EXOC4: variants seen among roughly 807,000 people sequenced by gnomAD.
EXOC4 encodes the protein exocyst complex component 4, also known as SEC8-like 1.
A neutral mutation model predicts 107.2 loss-of-function variants in EXOC4; 71 were observed. That is an observed-to-expected ratio of 0.66 (90% CI 0.55 to 0.81). The LOEUF (loss-of-function observed/expected upper bound fraction) is 0.81. EXOC4 is among the 30% of genes least tolerant of loss of function. The pLI is 0.00. For synonymous variants in EXOC4, 456 were observed against 441.2 expected (o/e 1.03, Z -0.42); for missense variants, 1,108 against 1,189.6 (o/e 0.93, Z 1.01).
chr7:133,326,361 G>C (rs1795240603), intron 5 of EXOC4, among the ~76,000 whole-genome samples: 1 of 152,186 alleles, frequency 6.6e-6, no homozygotes, highest in Non-Finnish European at 1.5e-5. Flanking sequence ...GGTCTTTGAT[G>C]ATGGTGACGT....
rs58629398 is a variant in EXOC4, at chr7:133,712,439, C to CA, written c.1514+82332dup. On this transcript the variant is annotated intron_variant, in intron 10 of 17. Coordinates refer to ENST00000253861, the MANE Select transcript of EXOC4 (RefSeq NM_021807.4). ...GGGCAACAAGAATGAAACTCTGTCTCAAAAAAAAAAAAAAAAAAAAAAAAA... is the reference window on the plus strand; with the variant it reads ...GGGCAACAAGAATGAAACTCTGTCTCAAAAAAAAAAAAAAAAAAAAAAAAAA... Among the ~76,000 whole-genome samples, 15 of 30,226 alleles carry CA rather than the reference C, an allele frequency of 5.0e-4. 1 individual carries two copies. Among genetic ancestry groups the CA allele is most frequent in the African/African-American group, 2.1e-3 (15 of 7,264 alleles). 19.8% of individuals were successfully genotyped at this position (30,226 alleles called of 152,430 possible).
At chr7:133,264,426 C>CT (rs1486557924) in intron 1 of EXOC4, among the ~76,000 whole-genome samples, 3 of 152,060 alleles carry the variant, frequency 2.0e-5, no homozygotes, top group Admixed American at 6.6e-5. Flanking sequence ...CATCAGAAAA[C>CT]TTTTTCAGAG....
At chr7:134,032,104 C>A (rs868365521) in intron 17 of EXOC4, among the ~76,000 whole-genome samples, 13 of 152,140 alleles carry the variant, frequency 8.5e-5, no homozygotes, top group South Asian at 2.1e-4. Context: ...TTGACAAAGG[C>A]TTTTTATAAG....
At chr7:133,587,723 A>AT (rs1223477508) in intron 9 of EXOC4, among the ~76,000 whole-genome samples, 4 of 152,228 alleles carry the variant, frequency 2.6e-5, no homozygotes, top group African/African-American at 9.6e-5. Context: ...GGAAATTGGA[A>AT]TTAGAAAGAA....
intron 10 of EXOC4, among the ~76,000 whole-genome samples, chr7:133,752,821 T>C (rs1394636808): frequency 6.6e-6 from 1 of 152,132 alleles, no homozygotes; most frequent in Non-Finnish European, 1.5e-5. Flanking sequence ...TGAGGAAAAA[T>C]AGGCCTTGTT....
intron 10 of EXOC4, among the ~76,000 whole-genome samples, chr7:133,693,695 C>T (rs1020456285): frequency 3.9e-5 from 6 of 152,122 alleles, no homozygotes; most frequent in South Asian, 4.1e-4. Context: ...TCTATATTCT[C>T]GGCATGGGTG....
intron 5 of EXOC4, among the ~76,000 whole-genome samples, chr7:133,353,000 C>G (rs1167556843): frequency 6.6e-6 from 1 of 152,002 alleles, no homozygotes; most frequent in Non-Finnish European, 1.5e-5. Flanking sequence ...TGCTCAAAAA[C>G]ATAAACTAGT....
chr7:133,705,317 A>C (rs1341927661), intron 10 of EXOC4, among the ~76,000 whole-genome samples: 1 of 152,220 alleles, frequency 6.6e-6, no homozygotes, highest in Non-Finnish European at 1.5e-5. Context: ...CAGCGAGCTG[A>C]GATCATGCTG....
At chr7:133,800,807 C>T (rs892123776) in intron 10 of EXOC4, among the ~76,000 whole-genome samples, 1 of 152,148 alleles carries the variant, frequency 6.6e-6, no homozygotes, top group Non-Finnish European at 1.5e-5. Flanking sequence ...AATAACGATA[C>T]TATAAAGTGT....
intron 9 of EXOC4, among the ~76,000 whole-genome samples, chr7:133,588,061 ACTT>A (rs1801448003): frequency 2.0e-5 from 3 of 152,150 alleles, no homozygotes; most frequent in Non-Finnish European, 2.9e-5. Flanking sequence ...TGTTAGACAT[ACTT>A]CTTTGTATTC....
At chr7:134,013,700 A>T (rs1794826678) in intron 17 of EXOC4, among the ~76,000 whole-genome samples, 2 of 152,220 alleles carry the variant, frequency 1.3e-5, no homozygotes, top group Non-Finnish European at 2.9e-5. Context: ...AAAGTCTATT[A>T]ATAAAAGTAT....
intron 15 of EXOC4, among the ~76,000 whole-genome samples, chr7:133,999,546 T>C (rs750754058): frequency 3.0e-4 from 46 of 152,304 alleles, no homozygotes; most frequent in Non-Finnish European, 5.7e-4. Flanking sequence ...AATTTTCATA[T>C]TTGGTATCTC....
At chr7:133,923,727 G>T (rs916685335) in intron 13 of EXOC4, among the ~76,000 whole-genome samples, 2 of 152,060 alleles carry the variant, frequency 1.3e-5, no homozygotes, top group Admixed American at 6.5e-5. Context: ...TGTCTTAATG[G>T]TGTCTTTTAC....
At chr7:133,413,195 A>G (rs1235062832) in intron 7 of EXOC4, among the ~76,000 whole-genome samples, 1 of 152,094 alleles carries the variant, frequency 6.6e-6, no homozygotes, top group Non-Finnish European at 1.5e-5. Flanking sequence ...TGTTGAGTTC[A>G]GTGATTTTCT....
chr7:133,622,141 A>G (rs1802348769), intron 9 of EXOC4, among the ~76,000 whole-genome samples: 1 of 151,886 alleles, frequency 6.6e-6, no homozygotes, highest in African/African-American at 2.4e-5. Flanking sequence ...TGCTGGGCTA[A>G]TTTTTTAATT....
intron 10 of EXOC4, among the ~76,000 whole-genome samples, chr7:133,715,664 A>C (rs1794985365): frequency 1.3e-5 from 2 of 151,930 alleles, no homozygotes; most frequent in Non-Finnish European, 2.9e-5. Context: ...TTGTCTGCTG[A>C]ATTCAAAGCT....
chr7:133,313,110 T>C (rs2150576365), intron 4 of EXOC4, among the ~76,000 whole-genome samples: 1 of 151,710 alleles, frequency 6.6e-6, no homozygotes, highest in Admixed American at 6.6e-5. Context: ...TCTGTTTACA[T>C]ATGTTGGTTT....
At chr7:133,470,900 A>C (rs1445875322) in intron 7 of EXOC4, among the ~76,000 whole-genome samples, 1 of 152,194 alleles carries the variant, frequency 6.6e-6, no homozygotes, top group African/African-American at 2.4e-5. Context: ...TTTTATGAAA[A>C]TTAAAATTTG....
intron 17 of EXOC4, among the ~76,000 whole-genome samples, chr7:134,044,154 G>T (rs377515569): frequency 6.6e-6 from 1 of 152,150 alleles, no homozygotes; most frequent in East Asian, 1.9e-4. Context: ...TTGCTCAAAA[G>T]AGTCCTTGTC....
Sources: allele counts gnomAD v4.1 joint callset (sites outside exome capture counted in the v4.1 genomes callset), GRCh38; gene constraint gnomAD v4.1.1; transcripts MANE v1.5; gene names NCBI Gene and HGNC (gene_info 2026-07-23, HGNC 2026-07-21).